ELOVL7: variants seen among roughly 807,000 people sequenced by gnomAD.
ELOVL7 encodes very long chain fatty acid elongase 7.
Under a neutral mutation model 35.7 loss-of-function variants are expected in ELOVL7, and 27 were observed. The observed-to-expected ratio is 0.76, with a 90% CI of 0.56 to 1.04. ELOVL7 has a LOEUF of 1.04. ELOVL7 is among the 50% of genes least tolerant of loss of function. ELOVL7 has a pLI of 0.00. For missense variants in ELOVL7, 327 were observed against 340.8 expected, an observed-to-expected ratio of 0.96 and a Z score of 0.32; for synonymous variants, 113 against 114.6, an observed-to-expected ratio of 0.99 and a Z score of 0.09.
chr5:60,838,697 G>A (rs1746974818), intron 1 of ELOVL7, among the ~76,000 whole-genome samples: 1 of 152,126 alleles, frequency 6.6e-6, no homozygotes, highest in Non-Finnish European at 1.5e-5. Context: ...AAGCTATGTG[G>A]AAACTTATCT....
chr5:60,821,552 C>T (rs1169071872), intron 1 of ELOVL7, among the ~76,000 whole-genome samples: 3 of 152,200 alleles, frequency 2.0e-5, no homozygotes, highest in Non-Finnish European at 4.4e-5. Flanking sequence ...CATAATTCTG[C>T]CTTCCTCTAA....
Position 60,774,764 on chromosome 5 carries a change from CT to C in ELOVL7, c.65-2672del, listed in dbSNP as rs1441731287. 3.7e-3 allele frequency among the ~76,000 whole-genome samples: 508 copies of C among 136,696 alleles called. 2 individuals carry two copies. The highest frequency in any genetic ancestry group is 9.3e-3 in the African/African-American group (344 of 36,926). The allele number at this position is 136,696 out of a possible 152,430, so 89.7% of individuals were successfully genotyped here. A position where few individuals can be genotyped will look rare whatever the true frequency, so the allele number is the denominator to read the frequency against. The stretch of plus-strand genomic sequence containing the variant: ...CCTACCAACTCCACCATAAAACTCT[CT>C]TTTTTTTTTTTTTTTTTGAGACGGA... On this transcript the variant is annotated intron_variant, in intron 3 of 8. Transcript: ENST00000508821.
intron 3 of ELOVL7, among the ~76,000 whole-genome samples, chr5:60,780,877 C>T (rs1743207144): frequency 6.6e-6 from 1 of 152,114 alleles, no homozygotes; most frequent in African/African-American, 2.4e-5. Flanking sequence ...ATTCATATTA[C>T]TATGTCTAGT....
At chr5:60,774,452 T>G (rs1742785960) in intron 3 of ELOVL7, among the ~76,000 whole-genome samples, 1 of 152,172 alleles carries the variant, frequency 6.6e-6, no homozygotes, top group African/African-American at 2.4e-5. Flanking sequence ...CTAACATCTA[T>G]TCATGATAAA....
intron 3 of ELOVL7, among the ~76,000 whole-genome samples, chr5:60,774,762 C>CTCT (rs1275558262): frequency 6.7e-6 from 1 of 149,128 alleles, no homozygotes; most frequent in African/African-American, 2.5e-5. Context: ...CCATAAAACT[C>CTCT]TCTTTTTTTT....
chr5:60,808,629 CAA>C (rs1263895520), intron 1 of ELOVL7, among the ~76,000 whole-genome samples: 1 of 152,110 alleles, frequency 6.6e-6, no homozygotes, highest in African/African-American at 2.4e-5. Context: ...AATATTAACC[CAA>C]GACAAAGAAA....
intron 1 of ELOVL7, among the ~76,000 whole-genome samples, chr5:60,823,861 A>G (rs571730514): frequency 1.3e-5 from 2 of 152,252 alleles, no homozygotes; most frequent in South Asian, 4.1e-4. Context: ...TTCCCAGATG[A>G]TTCTAATATG....
intron 1 of ELOVL7, among the ~76,000 whole-genome samples, chr5:60,818,654 C>T (rs978492279): frequency 6.6e-6 from 1 of 151,948 alleles, no homozygotes; most frequent in East Asian, 1.9e-4. Flanking sequence ...ACAGATAATT[C>T]GCTACACAGA....
At chr5:60,814,785 G>A (rs35408231) in intron 1 of ELOVL7, among the ~76,000 whole-genome samples, 212 of 152,336 alleles carry the variant, frequency 1.4e-3, no homozygotes, top group Non-Finnish European at 2.5e-3. Context: ...GTGAAGGGCA[G>A]TAAGAAGAAC....
chr5:60,785,120 G>C (rs1743498104), intron 3 of ELOVL7, among the ~76,000 whole-genome samples: 1 of 152,046 alleles, frequency 6.6e-6, no homozygotes, highest in Admixed American at 6.6e-5. Context: ...TTAAATCTAG[G>C]TCTTTTCACT....
intron 4 of ELOVL7, among the ~76,000 whole-genome samples, chr5:60,771,662 C>T (rs1458491765): frequency 1.3e-5 from 2 of 152,164 alleles, no homozygotes; most frequent in East Asian, 3.8e-4. Flanking sequence ...CAATTATGTA[C>T]AAATCCATGG....
chr5:60,794,965 G>A (rs1003130078), intron 2 of ELOVL7, among the ~76,000 whole-genome samples: 2 of 152,190 alleles, frequency 1.3e-5, no homozygotes, highest in Admixed American at 6.5e-5. Flanking sequence ...TGGGGTGTTT[G>A]AAACTTTACC....
chr5:60,842,309 G>C (rs1579958529), intron 1 of ELOVL7, among the ~76,000 whole-genome samples: 1 of 152,006 alleles, frequency 6.6e-6, no homozygotes, highest in Non-Finnish European at 1.5e-5. Context: ...ATAATGGCAG[G>C]ACCCTTAATG....
intron 2 of ELOVL7, among the ~76,000 whole-genome samples, chr5:60,791,327 A>T (rs967811458): frequency 2.0e-5 from 3 of 152,172 alleles, no homozygotes; most frequent in African/African-American, 7.2e-5. Context: ...ATTTATGGGT[A>T]CATACAGACA....
At chr5:60,770,207 T>C (rs1223082563) in intron 4 of ELOVL7, among the ~76,000 whole-genome samples, 1 of 152,188 alleles carries the variant, frequency 6.6e-6, no homozygotes, top group Admixed American at 6.5e-5. Flanking sequence ...TTCTTTTACA[T>C]TGTAATTGAT....
chr5:60,811,296 A>G (rs1027016414), intron 1 of ELOVL7, among the ~76,000 whole-genome samples: 2 of 152,176 alleles, frequency 1.3e-5, no homozygotes, highest in Non-Finnish European at 2.9e-5. Context: ...ATATACTACT[A>G]TATATAGCAT....
chr5:60,765,543 T>C (rs906158493), intron 6 of ELOVL7, among the ~76,000 whole-genome samples: 1 of 152,108 alleles, frequency 6.6e-6, no homozygotes, highest in Non-Finnish European at 1.5e-5. Context: ...GAATACAGGC[T>C]CTCAAAACAT....
intron 1 of ELOVL7, among the ~76,000 whole-genome samples, chr5:60,812,496 A>C (rs1302429776): frequency 6.6e-6 from 1 of 152,210 alleles, no homozygotes; most frequent in East Asian, 1.9e-4. Context: ...TAATTGGAAA[A>C]AAAAAGAATA....
chr5:60,767,125 C>T (rs957542430), intron 5 of ELOVL7, among the ~76,000 whole-genome samples: 2 of 152,114 alleles, frequency 1.3e-5, no homozygotes, highest in Non-Finnish European at 2.9e-5. Context: ...GATGGAGTCT[C>T]ACTCTGTCAT....
Sources: gnomAD v4.1 joint callset for allele counts (sites outside exome capture counted in the v4.1 genomes callset) on GRCh38, gnomAD v4.1.1 for gene constraint, MANE v1.5 for transcripts, NCBI Gene and HGNC (gene_info 2026-07-23, HGNC 2026-07-21) for gene names.